The following LRRC1 variants were observed in gnomAD, a reference collection of about 807,000 sequenced individuals.
LRRC1 encodes the protein leucine-rich repeat-containing protein 1.
Under a neutral mutation model 69.9 loss-of-function variants are expected in LRRC1, and 28 were observed. The ratio of observed to expected loss-of-function variants is 0.40; its 90% CI spans 0.30 to 0.55. The LOEUF (loss-of-function observed/expected upper bound fraction) is 0.55. Among genes scored for constraint, LRRC1 ranks in the 20% least tolerant of loss-of-function variants. The pLI, the probability that LRRC1 is intolerant of heterozygous loss-of-function variation, is 0.47. For missense variants in LRRC1, 498 were observed against 609.0 expected (o/e 0.82, Z 1.92); for synonymous variants, 236 against 240.2 (o/e 0.98, Z 0.16).
At position 53,920,774 on chromosome 6, in the gene LRRC1, A is replaced by G. The variant is rs750960899; in HGVS notation, c.1416+13A>G. 4 of 1,614,108 alleles carry G rather than the reference A, an allele frequency of 2.5e-6. No individual in the cohort carries two copies. The highest frequency in any genetic ancestry group is 3.4e-6 in the Non-Finnish European group (4 of 1,179,948). On this transcript the variant is annotated intron_variant, in intron 13 of 13. Transcript: ENST00000370888. ...AGACAATGAGACGGTATGGAAATGCAGATTCTTTGCCTCTGTGGAAGTTCA... is the reference window on the plus strand; with the variant it reads ...AGACAATGAGACGGTATGGAAATGCGGATTCTTTGCCTCTGTGGAAGTTCA...
At chr6:53,811,773 G>A (rs1189237884) in intron 1 of LRRC1, among the ~76,000 whole-genome samples, 5 of 152,226 alleles carry the variant, frequency 3.3e-5, no homozygotes, top group African/African-American at 1.2e-4. Context: ...GAGAAGCCTG[G>A]GCTGGGGTTA....
At chr6:53,879,803 A>AGTG (rs1400971144) in intron 3 of LRRC1, among the ~76,000 whole-genome samples, 1 of 151,760 alleles carries the variant, frequency 6.6e-6, no homozygotes, top group Non-Finnish European at 1.5e-5. Flanking sequence ...GGCATGGCTG[A>AGTG]GTGGCATTGC....
intron 1 of LRRC1, among the ~76,000 whole-genome samples, chr6:53,807,048 T>A (rs1764653327): frequency 6.6e-6 from 1 of 152,220 alleles, no homozygotes; most frequent in African/African-American, 2.4e-5. Context: ...CCTGAGAGAT[T>A]GTATTTTGAG....
intron 2 of LRRC1, among the ~76,000 whole-genome samples, chr6:53,866,049 G>T (rs1486509517): frequency 6.6e-6 from 1 of 151,952 alleles, no homozygotes; most frequent in East Asian, 1.9e-4. Context: ...ATTGACAGAG[G>T]TCTTGATATT....
rs771707438 is a variant in LRRC1 at position 53,878,976 on chromosome 6, T to C, written c.278-17T>C. ...AATAATGGTGGCAAATTATAGACAT[T>C]TTCTCTACTCCTGCAGAGATTCCTG... On this transcript the variant is annotated splice_polypyrimidine_tract_variant and intron_variant, in intron 2 of 13. Transcript: ENST00000370888. 1.3e-6 allele frequency: 2 copies of C among 1,554,144 alleles called. No individual in the cohort carries two copies. The highest frequency in any genetic ancestry group is 8.9e-7 in the Non-Finnish European group (1 of 1,128,238).
chr6:53,833,123 A>G (rs1461684345), intron 1 of LRRC1, among the ~76,000 whole-genome samples: 1 of 152,068 alleles, frequency 6.6e-6, no homozygotes, highest in African/African-American at 2.4e-5. Flanking sequence ...TCAGTTCTCC[A>G]TCTGCACCAT....
At chr6:53,893,450 A>G (rs566525097) in intron 4 of LRRC1, among the ~76,000 whole-genome samples, 94 of 152,288 alleles carry the variant, frequency 6.2e-4, no homozygotes, top group African/African-American at 2.2e-3. Flanking sequence ...ATAGTTTAAA[A>G]TAATTGGGGA....
At chr6:53,873,535 G>A (rs967520915) in intron 2 of LRRC1, among the ~76,000 whole-genome samples, 4 of 151,114 alleles carry the variant, frequency 2.6e-5, no homozygotes, top group South Asian at 2.1e-4. Context: ...TCCTGACCCC[G>A]TGATCTGCCC....
At chr6:53,807,288 C>T (rs1006525744) in intron 1 of LRRC1, among the ~76,000 whole-genome samples, 1 of 152,170 alleles carries the variant, frequency 6.6e-6, no homozygotes, top group Non-Finnish European at 1.5e-5. Flanking sequence ...CTCCTTCCCT[C>T]ATTCACTCCA....
intron 4 of LRRC1, among the ~76,000 whole-genome samples, chr6:53,892,711 T>C (rs976991716): frequency 6.6e-6 from 1 of 152,256 alleles, no homozygotes; most frequent in African/African-American, 2.4e-5. Flanking sequence ...GCATTTAGGC[T>C]GATTCTGTTT....
chr6:53,889,800 C>A (rs1308367873), intron 4 of LRRC1, among the ~76,000 whole-genome samples: 1 of 152,152 alleles, frequency 6.6e-6, no homozygotes, highest in African/African-American at 2.4e-5. Flanking sequence ...TGAATTATAT[C>A]TCCGTAAAAA....
rs6932971 is a variant in LRRC1, at chr6:53,895,295, T to C, written c.447-1203T>C. ...TGAAAATTATTTGGTTTTGTAAAAT[T>C]GGAGAAGGAGATGCAGGATTTTTAC... On this transcript the variant is annotated intron_variant, in intron 4 of 13. Transcript: ENST00000370888. 1.7e-3 allele frequency among the ~76,000 whole-genome samples: 253 copies of C among 152,320 alleles called. 2 individuals are homozygous for C. Among genetic ancestry groups the C allele is most frequent in the African/African-American group, 5.8e-3 (242 of 41,574 alleles).
chr6:53,887,727 ATGT>A (rs1187477257), intron 4 of LRRC1, among the ~76,000 whole-genome samples: 2 of 152,032 alleles, frequency 1.3e-5, no homozygotes, highest in Non-Finnish European at 2.9e-5. Flanking sequence ...CATGGCCCTA[ATGT>A]TGTTTCGTGA....
chr6:53,827,282 TTAAAA>T (rs1274398820), intron 1 of LRRC1, among the ~76,000 whole-genome samples: 1 of 139,096 alleles, frequency 7.2e-6, no homozygotes, highest in Non-Finnish European at 1.6e-5. Flanking sequence ...GAGTTGGAAC[TTAAAA>T]TGAAATCGAA....
chr6:53,865,450 G>A (rs1766669735), intron 2 of LRRC1, among the ~76,000 whole-genome samples: 1 of 152,102 alleles, frequency 6.6e-6, no homozygotes, highest in Non-Finnish European at 1.5e-5. Flanking sequence ...TGTGCAGAAG[G>A]TTGTTAGTCT....
rs141237113 is a variant in LRRC1, at chr6:53,886,803, G to T, written c.446+3827G>T. 1.9e-3 allele frequency among the ~76,000 whole-genome samples: 295 copies of T among 152,258 alleles called. 1 individual carries two copies. Among genetic ancestry groups the T allele is most frequent in the African/African-American group, 6.9e-3 (287 of 41,530 alleles). ...GGTGAAATAGATCCCAGACTTGCAGGTTGTACTCCCCACACAATAAGCACT... is the reference window on the plus strand; with the variant it reads ...GGTGAAATAGATCCCAGACTTGCAGTTTGTACTCCCCACACAATAAGCACT... On this transcript the variant is annotated intron_variant, in intron 4 of 13. Transcript: ENST00000370888.
chr6:53,867,090 C>T (rs1325271619), intron 2 of LRRC1, among the ~76,000 whole-genome samples: 1 of 152,068 alleles, frequency 6.6e-6, no homozygotes, highest in African/African-American at 2.4e-5. Flanking sequence ...TCCTGGCCTT[C>T]CCACTTACCA....
At chr6:53,817,260 A>C (rs1764977416) in intron 1 of LRRC1, among the ~76,000 whole-genome samples, 1 of 152,156 alleles carries the variant, frequency 6.6e-6, no homozygotes, top group Non-Finnish European at 1.5e-5. Flanking sequence ...TGGGATTCTG[A>C]GCTCCTTGAG....
chr6:53,863,008 T>G (rs1169139670), intron 2 of LRRC1, among the ~76,000 whole-genome samples: 1 of 152,190 alleles, frequency 6.6e-6, no homozygotes, highest in Non-Finnish European at 1.5e-5. Context: ...ACACAAGGAC[T>G]TTGTTTTATC....
Sources: gnomAD v4.1 joint callset for allele counts (sites outside exome capture counted in the v4.1 genomes callset) on GRCh38, gnomAD v4.1.1 for gene constraint, MANE v1.5 for transcripts, NCBI Gene and HGNC (gene_info 2026-07-23, HGNC 2026-07-21) for gene names.